GLIS1: variants seen among roughly 807,000 people sequenced by gnomAD.
The protein encoded by GLIS1 is GLIS family zinc finger 1, also known as zinc finger protein GLIS1.
A neutral mutation model predicts 63.8 loss-of-function variants in GLIS1; 24 were observed. That is an observed-to-expected ratio of 0.38 (90% CI 0.27 to 0.53). The LOEUF (loss-of-function observed/expected upper bound fraction) is 0.53. Among genes scored for constraint, GLIS1 ranks in the 20% least tolerant of loss-of-function variants. The pLI, the probability that GLIS1 is intolerant of heterozygous loss-of-function variation, is 0.85. For synonymous variants in GLIS1, 450 were observed against 482.5 expected (o/e 0.93, Z 0.88); for missense variants, 1,036 against 1,074.1 (o/e 0.96, Z 0.50).
intron 4 of GLIS1, among the ~76,000 whole-genome samples, chr1:53,585,543 G>A (rs1645126368): frequency 6.7e-6 from 1 of 148,910 alleles, no homozygotes; most frequent in African/African-American, 2.5e-5. Context: ...GGGAATGGGG[G>A]TGAAACAGGG....
chr1:53,567,276 G>A (rs558304731), intron 4 of GLIS1, among the ~76,000 whole-genome samples: 27 of 152,326 alleles, frequency 1.8e-4, no homozygotes, highest in African/African-American at 6.5e-4. Flanking sequence ...GAATTTGAAA[G>A]AGATGATTTA....
chr1:53,689,598 C>A (rs539479055), intron 2 of GLIS1, among the ~76,000 whole-genome samples: 1 of 152,216 alleles, frequency 6.6e-6, no homozygotes. Flanking sequence ...CTCAAGAGGT[C>A]TTCATTCTCA....
chr1:53,632,630 G>A (rs1305827823), intron 2 of GLIS1, among the ~76,000 whole-genome samples: 2 of 149,874 alleles, frequency 1.3e-5, no homozygotes, highest in African/African-American at 4.9e-5. Context: ...AGGGGCATGT[G>A]AATGAGTGTG....
intron 7 of GLIS1, 31 bp downstream of exon 7, chr1:53,520,603 C>T (rs750528265): frequency 1.5e-5 from 24 of 1,576,324 alleles, no homozygotes; most frequent in East Asian, 2.3e-5. Flanking sequence ...TCCTGGGCTA[C>T]GCCCCTGGCC....
intron 2 of GLIS1, among the ~76,000 whole-genome samples, chr1:53,692,403 T>C (rs1346711354): frequency 6.6e-6 from 1 of 152,188 alleles, no homozygotes; most frequent in Non-Finnish European, 1.5e-5. Flanking sequence ...ATGGAAAGAA[T>C]GTGGTAATAA....
chr1:53,586,830 C>T (rs1241363295), intron 4 of GLIS1, among the ~76,000 whole-genome samples: 2 of 152,190 alleles, frequency 1.3e-5, no homozygotes, highest in African/African-American at 4.8e-5. Context: ...CTCACACAGC[C>T]TTGGAACAGA....
rs1461937907 is a variant in GLIS1, at chr1:53,594,238, T to C, written c.1190A>G (p.Asp397Gly). 6.2e-7 allele frequency: 1 copy of C among 1,613,822 alleles called. No homozygotes were observed. The highest frequency in any genetic ancestry group is 8.5e-7 in the Non-Finnish European group (1 of 1,179,960). Residue 397 changes from aspartate (D) to glycine (G), a missense_variant, in exon 4 of 11, where the codon GAC (aspartate) becomes GGC (glycine). This residue lies in a region of GLIS1 where 592 missense variants were observed against 593.9 expected (regional missense o/e 1.00). Transcript: ENST00000628545. ...GGTGAAGTCCTCGCCCTTGCGCTGG[T>C]CGATGTGGCTCTTCTCGATGTGCCG... is the stretch of plus-strand genomic sequence containing the variant. ...LVRHIEKSHIDQRKGEDFTCF... is the reference protein window; with the variant it reads ...LVRHIEKSHIGQRKGEDFTCF...
At chr1:53,688,865 T>C (rs1414339035) in intron 2 of GLIS1, 2 of 152,248 alleles carry the variant, frequency 1.3e-5, no homozygotes, top group South Asian at 2.1e-4. Context: ...GCGAATTCAT[T>C]TGGGGGCACC....
intron 4 of GLIS1, among the ~76,000 whole-genome samples, chr1:53,559,601 C>A (rs1412142898): frequency 6.6e-6 from 1 of 152,204 alleles, no homozygotes. Context: ...GCTCTGCTCC[C>A]CCTCAGGGTC....
In GLIS1 at chr1:53,544,884, G is replaced by A. The variant is rs114166985; in HGVS notation, c.1321-14932C>T. 3.7e-3 allele frequency among the ~76,000 whole-genome samples: 557 copies of A among 152,228 alleles called. 4 individuals carry two copies. The highest frequency in any genetic ancestry group is 0.013 in the African/African-American group (538 of 41,532). ...AATGCAAATGGCTGGGCTGGGCTGC[G>A]TGGGAACCCAAGCCTCACACAATGT... On this transcript the variant is annotated intron_variant, in intron 4 of 10. Transcript: ENST00000628545.
At chr1:53,616,476 C>T (rs1402156144) in intron 2 of GLIS1, among the ~76,000 whole-genome samples, 4 of 152,208 alleles carry the variant, frequency 2.6e-5, no homozygotes, top group Admixed American at 1.3e-4. Flanking sequence ...CCTGTGCCCA[C>T]ACTGGTTTTT....
At chr1:53,563,235 G>A (rs1300269646) in intron 4 of GLIS1, among the ~76,000 whole-genome samples, 2 of 152,210 alleles carry the variant, frequency 1.3e-5, no homozygotes, top group Admixed American at 6.5e-5. Context: ...GAAGAGGGAG[G>A]CTCTGCAGAA....
intron 2 of GLIS1, among the ~76,000 whole-genome samples, chr1:53,615,342 C>T (rs1280228472): frequency 6.6e-6 from 1 of 152,198 alleles, no homozygotes; most frequent in Non-Finnish European, 1.5e-5. Context: ...CCTCTGCCCT[C>T]TCTTCCCTCC....
At chr1:53,667,909 G>A (rs1036643106) in intron 2 of GLIS1, among the ~76,000 whole-genome samples, 1 of 152,104 alleles carries the variant, frequency 6.6e-6, no homozygotes, top group Admixed American at 6.5e-5. Flanking sequence ...TCAAACCATT[G>A]TACATGGCTT....
intron 2 of GLIS1, among the ~76,000 whole-genome samples, chr1:53,645,333 G>C (rs1196204975): frequency 6.6e-6 from 1 of 152,080 alleles, no homozygotes; most frequent in African/African-American, 2.4e-5. Context: ...TGTTTCACTT[G>C]TTACCAAATG....
At chr1:53,692,694 G>T (rs1646419659) in intron 2 of GLIS1, among the ~76,000 whole-genome samples, 1 of 152,214 alleles carries the variant, frequency 6.6e-6, no homozygotes, top group African/African-American at 2.4e-5. Context: ...GACCCAGGTG[G>T]GGGTGAGTTT....
chr1:53,568,752 T>C (rs1026619397), intron 4 of GLIS1, among the ~76,000 whole-genome samples: 1 of 152,232 alleles, frequency 6.6e-6, no homozygotes, highest in East Asian at 1.9e-4. Flanking sequence ...TGATAAGACA[T>C]GCTTGCTTCC....
chr1:53,630,480 AG>A (rs145603374), intron 2 of GLIS1, among the ~76,000 whole-genome samples: 4,675 of 140,038 alleles, frequency 0.033, 195 homozygotes, highest in African/African-American at 0.095. Flanking sequence ...AGTGACTGTG[AG>A]GGGACCAATT....
At position 53,594,922 on chromosome 1, in the gene GLIS1, G is replaced by A; in HGVS notation, c.506C>T (p.Ser169Phe). Residue 169 changes from serine to phenylalanine, a missense_variant, in exon 4 of 11, where the codon TCC (serine) becomes TTC (phenylalanine). By Grantham distance (155) the Ser-to-Phe change is radical. Around this residue, in one of 3 missense-constraint regions of GLIS1, gnomAD observed 592 missense variants for 593.9 expected, o/e 1.00. Transcript: ENST00000628545. ...LPTTQHIKQESLPDYQAMAEA... is the reference protein window; with the variant it reads ...LPTTQHIKQEFLPDYQAMAEA... ...TGCCATGGCTTGGTAGTCGGGCAAG[G>A]ACTCCTGTTTGATGTGTTGTGTGGT... The A allele has an allele frequency of 6.6e-7, 1 of 1,509,400 alleles. No homozygotes were observed. The highest frequency in any genetic ancestry group is 8.8e-7 in the Non-Finnish European group (1 of 1,137,802). 93.5% of individuals were successfully genotyped at this position (1,509,400 alleles called of 1,614,324 possible).
Sources: gnomAD v4.1 joint callset for allele counts (sites outside exome capture counted in the v4.1 genomes callset) on GRCh38, gnomAD v4.1.1 for gene constraint, gnomAD v4.1.1 regional missense constraint, MANE v1.5 for transcripts, NCBI Gene and HGNC (gene_info 2026-07-23, HGNC 2026-07-21) for gene names.